The following CCDC192 variants were observed in gnomAD, a reference collection of about 807,000 sequenced individuals.
CCDC192 encodes coiled-coil domain-containing protein 192.
At chr5:127,778,516 A>G (rs1403604561) in intron 3 of CCDC192, among the ~76,000 whole-genome samples, 1 of 152,136 alleles carries the variant, frequency 6.6e-6, no homozygotes, top group African/African-American at 2.4e-5. Flanking sequence ...CCAGTTTGCT[A>G]GTATTGTGTT....
intron 3 of CCDC192, among the ~76,000 whole-genome samples, chr5:127,761,107 A>G (rs1336259543): frequency 1.3e-5 from 2 of 152,196 alleles, no homozygotes; most frequent in Non-Finnish European, 2.9e-5. Flanking sequence ...TATTGCAAGA[A>G]CCTAATTTGG....
intron 2 of CCDC192, 122 bp from the exon 3 acceptor site, chr5:127,754,146 G>A (rs920412114): frequency 2.8e-5 from 11 of 391,276 alleles, no homozygotes; most frequent in Non-Finnish European, 9.0e-6. Context: ...GAGGATTTGT[G>A]TGAGTTTATC....
chr5:127,797,757 A>T (rs201949174), intron 4 of CCDC192, among the ~76,000 whole-genome samples: 7 of 16,600 alleles, frequency 4.2e-4, no homozygotes, highest in Admixed American at 7.1e-4. Flanking sequence ...ATATATATAT[A>T]TATATATATA....
chr5:127,907,289 G>T (rs1489489820), intron 6 of CCDC192, among the ~76,000 whole-genome samples: 3 of 151,932 alleles, frequency 2.0e-5, no homozygotes, highest in Non-Finnish European at 4.4e-5. Flanking sequence ...CATTTATATA[G>T]GGGTATTTTT....
At chr5:127,757,782 A>ACACACACACACG (rs1554072439) in intron 3 of CCDC192, among the ~76,000 whole-genome samples, 23 of 94,062 alleles carry the variant, frequency 2.4e-4, no homozygotes, top group African/African-American at 9.1e-4. Context: ...ACACACACAC[A>ACACACACACACG]CACACACACA....
chr5:127,820,619 T>A (rs1366613753), intron 5 of CCDC192, among the ~76,000 whole-genome samples: 4 of 152,176 alleles, frequency 2.6e-5, no homozygotes, highest in African/African-American at 7.2e-5. Context: ...AATTTTAAAA[T>A]GTCTTCCTTC....
intron 3 of CCDC192, among the ~76,000 whole-genome samples, chr5:127,767,380 T>G (rs2126901733): frequency 6.6e-6 from 1 of 152,334 alleles, no homozygotes; most frequent in Admixed American, 6.5e-5. Context: ...AGGTGAGGAC[T>G]TAACGTTGAA....
chr5:127,894,805 A>G (rs1282518931), intron 6 of CCDC192, among the ~76,000 whole-genome samples: 1 of 152,238 alleles, frequency 6.6e-6, no homozygotes, highest in Non-Finnish European at 1.5e-5. Context: ...AAATTCGCCC[A>G]TAGGCTAAAT....
intron 5 of CCDC192, among the ~76,000 whole-genome samples, chr5:127,855,227 C>T (rs539245326): frequency 9.8e-5 from 15 of 152,292 alleles, no homozygotes; most frequent in African/African-American, 3.6e-4. Context: ...TGGAGTCAAT[C>T]CTCTCAAACC....
In CCDC192 at chr5:127,729,887, T is replaced by C. The variant is rs181018733; in HGVS notation, c.114+22127T>C. On this transcript the variant is annotated intron_variant, in intron 2 of 6. Coordinates refer to ENST00000514853, the MANE Select transcript of CCDC192 (RefSeq NM_001317938.2). Reference sequence around the variant, plus strand: ...GCTACAGTAGTGTTAAGAGGGAAATTTCCAGCACTAAATGCCCACATCAAA... The same window carrying C: ...GCTACAGTAGTGTTAAGAGGGAAATCTCCAGCACTAAATGCCCACATCAAA... 1.2e-3 allele frequency among the ~76,000 whole-genome samples: 177 copies of C among 152,198 alleles called. 2 individuals are homozygous for C. Among genetic ancestry groups the C allele is most frequent in the African/African-American group, 4.2e-3 (173 of 41,516 alleles).
At chr5:127,754,158 A>G (rs748667325) in intron 2 of CCDC192, 110 bp from the exon 3 acceptor site, 2 of 392,360 alleles carry the variant, frequency 5.1e-6, no homozygotes, top group Non-Finnish European at 9.0e-6. Context: ...GAGTTTATCA[A>G]GCCTATCATT....
At chr5:127,740,558 T>C (rs951448441) in intron 2 of CCDC192, among the ~76,000 whole-genome samples, 1 of 152,310 alleles carries the variant, frequency 6.6e-6, no homozygotes, top group Middle Eastern at 3.4e-3. Context: ...GTTTTGGAAA[T>C]AGCATTGTTG....
At chr5:127,924,190 A>T (rs1368741085) in intron 6 of CCDC192, among the ~76,000 whole-genome samples, 3 of 152,246 alleles carry the variant, frequency 2.0e-5, no homozygotes, top group Non-Finnish European at 1.5e-5. Context: ...TTTTTGGCAC[A>T]CTTTATCATT....
chr5:127,791,140 G>T (rs1350049809), intron 3 of CCDC192, among the ~76,000 whole-genome samples: 2 of 152,146 alleles, frequency 1.3e-5, no homozygotes, highest in African/African-American at 4.8e-5. Context: ...CATTTAAAGA[G>T]AATGGACAAC....
intron 2 of CCDC192, among the ~76,000 whole-genome samples, chr5:127,747,192 G>A (rs974469393): frequency 1.3e-5 from 2 of 151,456 alleles, no homozygotes; most frequent in African/African-American, 4.9e-5. Flanking sequence ...TGCCATGCTG[G>A]TGTGCTGCAC....
intron 2 of CCDC192, among the ~76,000 whole-genome samples, chr5:127,736,711 T>C (rs2126828810): frequency 6.6e-6 from 1 of 151,632 alleles, no homozygotes; most frequent in South Asian, 2.1e-4. Flanking sequence ...TCTAGTTTAT[T>C]TGCATAGAGG....
At chr5:127,765,516 A>G (rs1755171461) in intron 3 of CCDC192, among the ~76,000 whole-genome samples, 1 of 152,200 alleles carries the variant, frequency 6.6e-6, no homozygotes. Context: ...ATTAACAAAA[A>G]CTTTTTAAAG....
intron 5 of CCDC192, among the ~76,000 whole-genome samples, chr5:127,843,319 T>C (rs1750380459): frequency 6.6e-6 from 1 of 152,066 alleles, no homozygotes; most frequent in African/African-American, 2.4e-5. Flanking sequence ...ATTACAGGCG[T>C]GAGCCATCGC....
intron 5 of CCDC192, among the ~76,000 whole-genome samples, chr5:127,861,762 AC>A (rs1434904189): frequency 6.6e-6 from 1 of 152,154 alleles, no homozygotes; most frequent in African/African-American, 2.4e-5. Context: ...GTGTATGTAA[AC>A]CCTGAGGTGA....
Sources: allele counts gnomAD v4.1 joint callset (sites outside exome capture counted in the v4.1 genomes callset), GRCh38; gene constraint gnomAD v4.1.1; transcripts MANE v1.5; gene names NCBI Gene and HGNC (gene_info 2026-07-23, HGNC 2026-07-21).